The following OR2L13 variants were observed in gnomAD, a reference collection of about 807,000 sequenced individuals.
OR2L13 encodes the protein olfactory receptor 2L13.
Under a neutral mutation model 15.3 loss-of-function variants are expected in OR2L13, and 14 were observed. That is an observed-to-expected ratio of 0.91 (90% CI 0.60 to 1.43). OR2L13 has a LOEUF of 1.43. OR2L13 is among the 40% of genes most tolerant of loss of function. The pLI is 0.00. For synonymous variants in OR2L13, 152 were observed against 142.9 expected (o/e 1.06, Z -0.45); for missense variants, 367 against 387.9 (o/e 0.95, Z 0.45).
the OR2L13 span, among the ~76,000 whole-genome samples, chr1:248,018,905 G>A: frequency 6.6e-6 from 1 of 152,088 alleles, no homozygotes; most frequent in Non-Finnish European, 1.5e-5. Context: ...TACAATATTT[G>A]CCTCTTTGTG....
At chr1:248,022,511 T>TACAG in the OR2L13 span, 1 of 1,614,202 alleles carries the variant, frequency 6.2e-7, no homozygotes, top group Non-Finnish European at 8.5e-7. Context: ...CATTAGCCTG[T>TACAG]ACAGACACCT....
the OR2L13 span, chr1:248,022,389 T>C: frequency 6.2e-7 from 1 of 1,614,186 alleles, no homozygotes; most frequent in Non-Finnish European, 8.5e-7. Flanking sequence ...AACAGGATCT[T>C]GGATGATAGG....
At chr1:247,954,496 C>T in the OR2L13 span, among the ~76,000 whole-genome samples, 1 of 152,064 alleles carries the variant, frequency 6.6e-6, no homozygotes, top group African/African-American at 2.4e-5. Context: ...ATTTATATTC[C>T]TAAATCCCTG....
At position 248,099,522 on chromosome 1, in the gene OR2L13, C is replaced by T. The variant is rs745682884; in HGVS notation, c.147C>T (p.His49=). The T allele has an allele frequency of 2.9e-5, 46 of 1,613,986 alleles. 2 individuals are homozygous for T. In the South Asian group the frequency reaches 4.8e-4, roughly 17 times the overall value. ...ACTCGGCCATGATTCACCTCATCCACGTGGATCCTCGTCTCCACACACCGA... is the reference window on the plus strand; with the variant it reads ...ACTCGGCCATGATTCACCTCATCCATGTGGATCCTCGTCTCCACACACCGA... Residue 49 remains histidine, a synonymous_variant, in exon 3 of 3, where the codon CAC becomes CAT. Transcript: ENST00000641714.
chr1:248,055,326 T>C, the OR2L13 span, among the ~76,000 whole-genome samples: 1 of 152,228 alleles, frequency 6.6e-6, no homozygotes, highest in Non-Finnish European at 1.5e-5. Context: ...GATGTGCTGC[T>C]GGATTCAATT....
At chr1:247,987,438 C>T in the OR2L13 span, among the ~76,000 whole-genome samples, 5,887 of 152,088 alleles carry the variant, frequency 0.039, 353 homozygotes, top group African/African-American at 0.13. Context: ...ACATTTGTGT[C>T]TTGTTCCAAA....
the OR2L13 span, among the ~76,000 whole-genome samples, chr1:248,086,878 A>G: frequency 6.6e-6 from 1 of 151,166 alleles, no homozygotes; most frequent in African/African-American, 2.4e-5. Context: ...CATTTCTATT[A>G]TATATATTTA....
At chr1:248,010,754 TTTGTTG>T in the OR2L13 span, among the ~76,000 whole-genome samples, 4 of 133,700 alleles carry the variant, frequency 3.0e-5, no homozygotes, top group African/African-American at 8.5e-5. Context: ...CAAATACTGC[TTTGTTG>T]TTGTTTTTTT....
At chr1:247,983,328 G>A in the OR2L13 span, among the ~76,000 whole-genome samples, 3 of 152,208 alleles carry the variant, frequency 2.0e-5, no homozygotes, top group Middle Eastern at 3.4e-3. Flanking sequence ...CATGCCAGAC[G>A]TCGCCCGGGT....
the OR2L13 span, chr1:247,965,618 T>C: frequency 6.4e-7 from 1 of 1,558,898 alleles, no homozygotes; most frequent in Non-Finnish European, 8.7e-7. Context: ...GTGCCCAAGA[T>C]GGCAGTCAGC....
At chr1:247,992,998 A>G in the OR2L13 span, among the ~76,000 whole-genome samples, 1 of 152,118 alleles carries the variant, frequency 6.6e-6, no homozygotes, top group South Asian at 2.1e-4. Context: ...AACAGTGTAT[A>G]AGAATTCCCT....
chr1:247,992,420 A>G, the OR2L13 span, among the ~76,000 whole-genome samples: 2 of 152,202 alleles, frequency 1.3e-5, no homozygotes, highest in Non-Finnish European at 2.9e-5. Flanking sequence ...GTATGAGAGT[A>G]CATGTGGATA....
At chr1:247,990,229 C>A in the OR2L13 span, 1 of 731,198 alleles carries the variant, frequency 1.4e-6, no homozygotes, top group South Asian at 1.6e-5. Flanking sequence ...TTCACTTACC[C>A]TTGTGTCTCC....
chr1:247,999,001 T>C, the OR2L13 span, among the ~76,000 whole-genome samples: 3 of 152,264 alleles, frequency 2.0e-5, no homozygotes, highest in South Asian at 6.2e-4. Context: ...AGTGATTATC[T>C]TGATGATGAG....
the OR2L13 span, among the ~76,000 whole-genome samples, chr1:247,956,264 C>T: frequency 2.0e-4 from 31 of 152,070 alleles, 1 homozygote; most frequent in East Asian, 4.0e-3. Context: ...AGATATGCGG[C>T]ATTATTTCTG....
At chr1:248,002,115 AT>A in the OR2L13 span, among the ~76,000 whole-genome samples, 9 of 151,708 alleles carry the variant, frequency 5.9e-5, no homozygotes, top group African/African-American at 1.7e-4. Flanking sequence ...TCTCTTCTAA[AT>A]TTTTTTTTAA....
At chr1:247,988,044 C>G in the OR2L13 span, among the ~76,000 whole-genome samples, 2 of 152,150 alleles carry the variant, frequency 1.3e-5, no homozygotes, top group Admixed American at 1.3e-4. Flanking sequence ...CAAGGAGACA[C>G]AATTTTCATG....
At chr1:248,044,481 T>C in the OR2L13 span, among the ~76,000 whole-genome samples, 6 of 152,170 alleles carry the variant, frequency 3.9e-5, no homozygotes, top group Admixed American at 1.3e-4. Flanking sequence ...ACCCACACTT[T>C]AGCTCATCAC....
At chr1:248,035,881 T>C in the OR2L13 span, among the ~76,000 whole-genome samples, 1 of 152,186 alleles carries the variant, frequency 6.6e-6, no homozygotes, top group Non-Finnish European at 1.5e-5. Flanking sequence ...TCTCCTCTTA[T>C]GAAATTTATT....
Sources: allele counts gnomAD v4.1 joint callset (sites outside exome capture counted in the v4.1 genomes callset), GRCh38; gene constraint gnomAD v4.1.1; transcripts MANE v1.5; gene names NCBI Gene and HGNC (gene_info 2026-07-23, HGNC 2026-07-21).